MINDY4B: variants seen among roughly 807,000 people sequenced by gnomAD.
MINDY4B encodes the protein inactive ubiquitin carboxyl-terminal hydrolase MINDY-4B.
A neutral mutation model predicts 16.7 loss-of-function variants in MINDY4B; 25 were observed. The ratio of observed to expected loss-of-function variants is 1.49; its 90% CI spans 1.09 to 2.09. The LOEUF is 2.09. Among genes scored for constraint, MINDY4B ranks in the 30% most tolerant of loss-of-function variants. The pLI, the probability that MINDY4B is intolerant of heterozygous loss-of-function variation, is 0.00. For missense variants in MINDY4B, 327 were observed against 168.4 expected, an observed-to-expected ratio of 1.94 and a Z score of -5.21; for synonymous variants, 132 against 61.9, an observed-to-expected ratio of 2.13 and a Z score of -5.32.
Position 150,885,514 on chromosome 3 carries a change from G to A in MINDY4B, c.754-76C>T, listed in dbSNP as rs535861692. On this transcript the variant is annotated intron_variant, in intron 7 of 11. Transcript: ENST00000465419. ...CGTGTATCTGTGGGTATGAATTCAA[G>A]GATTTACAGGCTGAGAGAATTTTTT... 1.2e-3 allele frequency: 792 copies of A among 685,474 alleles called. 4 individuals carry two copies. The highest frequency in any genetic ancestry group is 3.3e-3 in the Middle Eastern group (14 of 4,264). 42.5% of individuals were successfully genotyped at this position (685,474 alleles called of 1,614,324 possible). A position where few individuals can be genotyped will look rare whatever the true frequency, so the allele number is the denominator to read the frequency against.
At chr3:150,888,750 G>A (rs1314446962) in intron 7 of MINDY4B, among the ~76,000 whole-genome samples, 2 of 152,290 alleles carry the variant, frequency 1.3e-5, no homozygotes, top group Non-Finnish European at 2.9e-5. Flanking sequence ...TCTGTGTAGG[G>A]CCTTGATTAT....
In MINDY4B at chr3:150,893,638, A is replaced by T. The variant is rs185754813; in HGVS notation, c.430-223T>A. On this transcript the variant is annotated intron_variant, in intron 4 of 11. Coordinates refer to ENST00000465419, the MANE Select transcript of MINDY4B (RefSeq NM_001351281.2). ...GAGACCTGTGGACTGGTGACTGGGG[A>T]TGTATGGCTTCCTCCATCTTGCCTT... Among the ~76,000 whole-genome samples, 704 of 134,938 alleles carry T rather than the reference A, an allele frequency of 5.2e-3. 6 individuals carry two copies. The highest frequency in any genetic ancestry group is 0.019 in the African/African-American group (670 of 35,328). 88.5% of individuals were successfully genotyped at this position (134,938 alleles called of 152,430 possible).
chr3:150,877,348 G>GTA (rs1711498197), intron 10 of MINDY4B, among the ~76,000 whole-genome samples: 1 of 152,096 alleles, frequency 6.6e-6, no homozygotes, highest in African/African-American at 2.4e-5. Context: ...CAAAGCACTT[G>GTA]TATACCTAGT....
chr3:150,872,909 T>G (rs16862926), intron 11 of MINDY4B, among the ~76,000 whole-genome samples: 2,801 of 152,304 alleles, frequency 0.018, 95 homozygotes, highest in African/African-American at 0.064. Context: ...TTTTGGAAAT[T>G]TGGCTCCATA....
chr3:150,891,785 G>C (rs1243385578), intron 5 of MINDY4B, among the ~76,000 whole-genome samples: 2 of 116,910 alleles, frequency 1.7e-5, no homozygotes, highest in East Asian at 5.0e-4. Context: ...AAAAAAAAAA[G>C]TCAAGGAGCC....
chr3:150,879,515 T>C (rs74674149), intron 10 of MINDY4B, among the ~76,000 whole-genome samples: 2,020 of 152,286 alleles, frequency 0.013, 49 homozygotes, highest in African/African-American at 0.046. Context: ...TTTAGAATCA[T>C]CTATGGGCTT....
chr3:150,887,977 G>A lies in MINDY4B; in HGVS notation c.753+2343C>T, dbSNP rs373855275. On this transcript the variant is annotated intron_variant, in intron 7 of 11. Transcript: ENST00000465419. The stretch of plus-strand genomic sequence containing the variant: ...CAAAAAATTAGCCAGGCGTGGTGGC[G>A]GGCGCCTGTAGTCCCAGCTACTCGG... Among the ~76,000 whole-genome samples, 102 of 151,914 alleles carry A rather than the reference G, an allele frequency of 6.7e-4. 2 individuals carry two copies. The South Asian group carries it at 0.011, about 16-fold the overall frequency.
At chr3:150,888,916 T>C (rs1711698117) in intron 7 of MINDY4B, among the ~76,000 whole-genome samples, 1 of 152,058 alleles carries the variant, frequency 6.6e-6, no homozygotes, top group Non-Finnish European at 1.5e-5. Context: ...AGATTTGAGT[T>C]GAGATGGAAG....
intron 7 of MINDY4B, among the ~76,000 whole-genome samples, chr3:150,889,823 C>T (rs1057183387): frequency 6.6e-6 from 1 of 152,196 alleles, no homozygotes; most frequent in Admixed American, 6.5e-5. Context: ...CCTTCTTTGT[C>T]CCCTTTCCAC....
intron 10 of MINDY4B, among the ~76,000 whole-genome samples, chr3:150,882,368 G>A (rs1312403458): frequency 6.6e-6 from 1 of 151,998 alleles, no homozygotes; most frequent in African/African-American, 2.4e-5. Context: ...TTTTTGACAG[G>A]AGTTTCAAAC....
At chr3:150,898,642 G>T (rs575765188) in intron 3 of MINDY4B, among the ~76,000 whole-genome samples, 2 of 152,294 alleles carry the variant, frequency 1.3e-5, no homozygotes, top group Admixed American at 1.3e-4. Flanking sequence ...TGGCTGCCAT[G>T]ATTATTATTA....
intron 7 of MINDY4B, 58 bp from the exon 8 acceptor site, chr3:150,885,496 C>A (rs1711599339): frequency 2.9e-6 from 2 of 694,842 alleles, no homozygotes; most frequent in Admixed American, 4.1e-5. Context: ...ACACGTGTAT[C>A]TGTGGGTATG....
rs1254805438 is a variant in MINDY4B at position 150,870,850 on chromosome 3, G to A, written c.*195C>T. ...TGCAGGCCCTGGTGTGGGGGCCTGT[G>A]TTTCTCCTACAATGCTGACAGCTAG... On this transcript the variant is annotated 3_prime_UTR_variant, in exon 12 of 12. Coordinates refer to ENST00000465419, the MANE Select transcript of MINDY4B (RefSeq NM_001351281.2). Among the ~76,000 whole-genome samples, 1 of 152,164 alleles carries A rather than the reference G, an allele frequency of 6.6e-6. No homozygotes were observed. Among genetic ancestry groups the A allele is most frequent in the Non-Finnish European group, 1.5e-5 (1 of 68,040 alleles).
chr3:150,872,436 G>T lies in MINDY4B; in HGVS notation c.1240+751C>A, dbSNP rs530110723. Among the ~76,000 whole-genome samples the T allele has an allele frequency of 6.6e-5, 10 of 152,332 alleles. No individual in the cohort carries two copies. In the South Asian group the frequency reaches 2.1e-3, roughly 32 times the overall value. On this transcript the variant is annotated intron_variant, in intron 11 of 11. Coordinates refer to ENST00000465419, the MANE Select transcript of MINDY4B (RefSeq NM_001351281.2). ...GTAATGCTCCATAAATACAGCTAAG[G>T]CTATGGATACAAACTCCCAGTTTGT...
intron 5 of MINDY4B, among the ~76,000 whole-genome samples, chr3:150,892,782 TAAA>T (rs35470998): frequency 7.2e-6 from 1 of 138,238 alleles, no homozygotes. Flanking sequence ...CTAGCTCTAC[TAAA>T]AAAAAAAAAA....
At position 150,891,085 on chromosome 3, in the gene MINDY4B, CTT is replaced by C. The variant is rs1559967353; in HGVS notation, c.538_539del (p.Lys180GlufsTer31). 1.4e-6 allele frequency: 1 copy of C among 702,470 alleles called. No homozygotes were observed. Among genetic ancestry groups the C allele is most frequent in the Non-Finnish European group, 2.6e-6 (1 of 384,562 alleles). 43.5% of individuals were successfully genotyped at this position (702,470 alleles called of 1,614,324 possible). ...CGGCCAAGGCTTGCTCCTGCTCCTT[CTT>C]GCTTATTTCACATAAGCTATAATGC... is the stretch of plus-strand genomic sequence containing the variant. The part of the protein sequence containing the change: ...CNLGNLCEIS[K>X]KEQEQALAAA... On this transcript the variant is annotated frameshift_variant, in exon 6 of 12. Transcript: ENST00000465419. LOFTEE classifies it high-confidence loss of function.
intron 7 of MINDY4B, among the ~76,000 whole-genome samples, chr3:150,887,760 T>C (rs534181530): frequency 6.6e-6 from 1 of 152,168 alleles, no homozygotes; most frequent in African/African-American, 2.4e-5. Context: ...GTTAAAACAA[T>C]AGGAATGTAT....
intron 10 of MINDY4B, among the ~76,000 whole-genome samples, chr3:150,874,431 C>T (rs1457438569): frequency 2.0e-5 from 3 of 152,172 alleles, no homozygotes; most frequent in African/African-American, 7.2e-5. Flanking sequence ...CAGTGATAGC[C>T]ATCAGTTTGT....
At chr3:150,882,869 G>T in intron 10 of MINDY4B, 28 bp downstream of exon 10, 1 of 680,612 alleles carries the variant, frequency 1.5e-6, no homozygotes, top group East Asian at 2.8e-5. Flanking sequence ...CATTCTGGTT[G>T]TGTGGTTGAG....
Sources: gnomAD v4.1 joint callset for allele counts (sites outside exome capture counted in the v4.1 genomes callset) on GRCh38, gnomAD v4.1.1 for gene constraint, MANE v1.5 for transcripts, NCBI Gene and HGNC (gene_info 2026-07-23, HGNC 2026-07-21) for gene names.